Variants in NAA11 observed in about 807,000 individuals in gnomAD.
NAA11 encodes the protein N-alpha-acetyltransferase 11, NatA catalytic subunit.
Under a neutral mutation model 16.1 loss-of-function variants are expected in NAA11, and 15 were observed. The ratio of observed to expected loss-of-function variants is 0.93; its 90% CI spans 0.62 to 1.44. The LOEUF is 1.44. Ranked by LOEUF, NAA11 falls within the 40% of genes most tolerant of loss-of-function variation. NAA11 has a pLI of 0.00. For missense variants in NAA11, 298 were observed against 291.3 expected (o/e 1.02, Z -0.17); for synonymous variants, 122 against 112.4 (o/e 1.09, Z -0.54).
rs535010467 is a variant in NAA11, at chr4:79,227,016, A to T, written c.*123-746T>A. 1.1e-3 allele frequency among the ~76,000 whole-genome samples: 160 copies of T among 152,230 alleles called. 1 individual carries two copies. Among genetic ancestry groups the T allele is most frequent in the South Asian group, 6.8e-3 (33 of 4,826 alleles). On this transcript the variant is annotated intron_variant and NMD_transcript_variant, in intron 2 of 2. Transcript: ENST00000511542. ...GAGGAATCGCCACACTGTCTTTCAC[A>T]ATGGTTGAACTAGTTTACAGTCCCA...
chr4:79,233,997 C>T (rs778908824), intron 2 of NAA11, among the ~76,000 whole-genome samples: 1 of 152,002 alleles, frequency 6.6e-6, no homozygotes, highest in Non-Finnish European at 1.5e-5. Context: ...GGAAGTCTAC[C>T]TGAAGCTGAA....
chr4:79,314,074 C>CA (rs1174756067), downstream of NAA11, among the ~76,000 whole-genome samples: 1 of 151,848 alleles, frequency 6.6e-6, no homozygotes, highest in Non-Finnish European at 1.5e-5. Flanking sequence ...AAGTAATGAC[C>CA]AAAAAAGCCC....
At chr4:79,206,264 T>C in the NAA11 span, among the ~76,000 whole-genome samples, 2 of 152,154 alleles carry the variant, frequency 1.3e-5, no homozygotes, top group Non-Finnish European at 2.9e-5. Context: ...TCCATTTGTT[T>C]GTGTCATCTG....
chr4:79,175,930 C>G, the NAA11 span, among the ~76,000 whole-genome samples: 1 of 152,208 alleles, frequency 6.6e-6, no homozygotes, highest in East Asian at 1.9e-4. Context: ...CTGTCTTTTC[C>G]CTTAATTCCA....
At chr4:79,281,853 C>T (rs1024031627) in intron 2 of NAA11, among the ~76,000 whole-genome samples, 4 of 152,118 alleles carry the variant, frequency 2.6e-5, no homozygotes, top group Admixed American at 2.6e-4. Flanking sequence ...AACACCATGG[C>T]TGCAGGCTTC....
intron 1 of NAA11, among the ~76,000 whole-genome samples, chr4:79,299,865 T>C (rs958226392): frequency 2.6e-5 from 4 of 152,238 alleles, no homozygotes; most frequent in Non-Finnish European, 5.9e-5. Flanking sequence ...AACATCTTGA[T>C]GTGACTCTAC....
intron 2 of NAA11, among the ~76,000 whole-genome samples, chr4:79,292,244 C>A (rs971870023): frequency 6.6e-6 from 1 of 152,144 alleles, no homozygotes; most frequent in Non-Finnish European, 1.5e-5. Flanking sequence ...AAACACTAGG[C>A]CCTTTTCACA....
intron 2 of NAA11, among the ~76,000 whole-genome samples, chr4:79,237,320 T>C (rs1476365893): frequency 1.3e-5 from 2 of 152,136 alleles, no homozygotes; most frequent in Non-Finnish European, 2.9e-5. Context: ...GGTATGTATG[T>C]GGAGTTAGGT....
chr4:79,305,152 CT>C (rs1723537891), intron 1 of NAA11: 1 of 152,284 alleles, frequency 6.6e-6, no homozygotes, highest in South Asian at 2.1e-4. Flanking sequence ...TGACCCATGT[CT>C]TTTCTGAATC....
chr4:79,187,092 T>A, the NAA11 span, among the ~76,000 whole-genome samples: 2 of 152,234 alleles, frequency 1.3e-5, no homozygotes, highest in African/African-American at 4.8e-5. Flanking sequence ...CAAGACTGAT[T>A]TTCTTTTTTA....
At chr4:79,219,836 C>A in the NAA11 span, among the ~76,000 whole-genome samples, 1 of 152,164 alleles carries the variant, frequency 6.6e-6, no homozygotes, top group Non-Finnish European at 1.5e-5. Context: ...AAACCATTCT[C>A]CTACATAAGC....
At chr4:79,233,536 T>G (rs1342352941) in intron 2 of NAA11, among the ~76,000 whole-genome samples, 2 of 152,032 alleles carry the variant, frequency 1.3e-5, no homozygotes, top group Non-Finnish European at 2.9e-5. Flanking sequence ...TTGAGGCTTT[T>G]CAGGCCATGG....
chr4:79,310,170 A>G (rs1043093463), intron 1 of NAA11, among the ~76,000 whole-genome samples: 6 of 152,220 alleles, frequency 3.9e-5, no homozygotes, highest in Non-Finnish European at 8.8e-5. Flanking sequence ...AGAATGGAGA[A>G]AAAACTGGAA....
At chr4:79,167,254 C>CAT in the NAA11 span, among the ~76,000 whole-genome samples, 4,139 of 112,518 alleles carry the variant, frequency 0.037, 265 homozygotes, top group African/African-American at 0.13. Context: ...CACACACCCA[C>CAT]ATATATATAT....
intron 1 of NAA11, among the ~76,000 whole-genome samples, chr4:79,310,173 A>G (rs1723727453): frequency 6.6e-6 from 1 of 152,218 alleles, no homozygotes. Flanking sequence ...ATGGAGAAAA[A>G]ACTGGAAAGA....
At chr4:79,256,670 T>TATA (rs1560427618) in intron 2 of NAA11, among the ~76,000 whole-genome samples, 3 of 46,914 alleles carry the variant, frequency 6.4e-5, no homozygotes, top group Non-Finnish European at 1.6e-4. Context: ...ATATATATAT[T>TATA]GACACGAGGT....
rs558709299 is a variant in NAA11, at chr4:79,269,975, T to G, written c.*122+24030A>C. On this transcript the variant is annotated intron_variant and NMD_transcript_variant, in intron 2 of 2. Transcript: ENST00000511542. The stretch of plus-strand genomic sequence containing the variant: ...TTAAATAGGGAATCCTTTCCCCATT[T>G]CTTGTTTTTCTCAGGTTTGTCAAAG... Among the ~76,000 whole-genome samples the G allele has an allele frequency of 1.3e-3, 205 of 152,060 alleles. 1 individual carries two copies. The highest frequency in any genetic ancestry group is 2.0e-3 in the Admixed American group (30 of 15,230).
At chr4:79,234,311 C>T (rs1298237471) in intron 2 of NAA11, among the ~76,000 whole-genome samples, 1 of 152,114 alleles carries the variant, frequency 6.6e-6, no homozygotes, top group Non-Finnish European at 1.5e-5. Context: ...AAGCAGCCAT[C>T]AATTTGCCCC....
intron 2 of NAA11, among the ~76,000 whole-genome samples, chr4:79,268,704 A>ATT (rs35515478): frequency 5.0e-4 from 75 of 150,872 alleles, no homozygotes; most frequent in African/African-American, 1.4e-3. Flanking sequence ...GACACTTTGT[A>ATT]TTTTTTTTTA....
Sources: gnomAD v4.1 joint callset for allele counts (sites outside exome capture counted in the v4.1 genomes callset) on GRCh38, gnomAD v4.1.1 for gene constraint, MANE v1.5 for transcripts, NCBI Gene and HGNC (gene_info 2026-07-23, HGNC 2026-07-21) for gene names.